COL4A4: variants seen among roughly 807,000 people sequenced by gnomAD.
The protein encoded by COL4A4 is collagen alpha-4(IV) chain.
Under a neutral mutation model 192.9 loss-of-function variants are expected in COL4A4, and 105 were observed. That is an observed-to-expected ratio of 0.54 (90% CI 0.46 to 0.64). The LOEUF is 0.64. Ranked by LOEUF, COL4A4 falls within the 30% of genes least tolerant of loss-of-function variation. COL4A4 has a pLI of 0.00. For missense variants in COL4A4, 1,967 were observed against 2,169.3 expected, an observed-to-expected ratio of 0.91 and a Z score of 1.85; for synonymous variants, 762 against 769.9, an observed-to-expected ratio of 0.99 and a Z score of 0.17.
chr2:227,142,974 T>A lies in COL4A4; in HGVS notation c.114+1542A>T, dbSNP rs567159097. 2.0e-5 allele frequency among the ~76,000 whole-genome samples: 3 copies of A among 151,820 alleles called. No individual in the cohort carries two copies. In the South Asian group the frequency reaches 6.2e-4, roughly 32 times the overall value. ...TTTCAAATAGGTGTTTGGGCATTAA[T>A]AAGCATATTCATACAATGACCTCAT... On this transcript the variant is annotated intron_variant, in intron 3 of 47. Coordinates refer to ENST00000396625, the MANE Select transcript of COL4A4 (RefSeq NM_000092.5).
At chr2:227,140,912 C>T (rs1479809259) in intron 3 of COL4A4, among the ~76,000 whole-genome samples, 1 of 151,674 alleles carries the variant, frequency 6.6e-6, no homozygotes, top group Non-Finnish European at 1.5e-5. Flanking sequence ...CACACACACA[C>T]ACACACACAC....
rs910557087 is a variant in COL4A4 at position 227,108,491 on chromosome 2, A to C, written c.735+90T>G. The C allele has an allele frequency of 3.9e-6, 5 of 1,269,806 alleles. No individual in the cohort carries two copies. In the African/African-American group the frequency reaches 7.3e-5, roughly 19 times the overall value. The allele number at this position is 1,269,806 out of a possible 1,614,324, so 78.7% of individuals were successfully genotyped here. On this transcript the variant is annotated intron_variant, in intron 12 of 47. Coordinates refer to ENST00000396625, the MANE Select transcript of COL4A4 (RefSeq NM_000092.5). Reference sequence around the variant, plus strand: ...AAAATTGGGCAGTGACTAGATAATGAGTACAAGTTCAAATAATCAGAACAG... The same window carrying C: ...AAAATTGGGCAGTGACTAGATAATGCGTACAAGTTCAAATAATCAGAACAG...
rs1975721050 is a variant in COL4A4 at position 227,057,453 on chromosome 2, TAC to T, written c.2529_2530del (p.Tyr844SerfsTer3). ...TTGACACTTACCTGGGCTACCTGGA[TAC>T]CCAGGGAGTCCCGGTTGCCCTGGTA... is the stretch of plus-strand genomic sequence containing the variant. On this transcript the variant is annotated frameshift_variant, in exon 29 of 48. Transcript: ENST00000396625. LOFTEE classifies it high-confidence loss of function. 5.6e-6 allele frequency: 9 copies of T among 1,607,546 alleles called. No homozygotes were observed. The highest frequency in any genetic ancestry group is 7.6e-6 in the Non-Finnish European group (9 of 1,176,894).
At chr2:227,161,645 T>G (rs1289270520) in intron 1 of COL4A4, among the ~76,000 whole-genome samples, 1 of 152,098 alleles carries the variant, frequency 6.6e-6, no homozygotes, top group Non-Finnish European at 1.5e-5. Context: ...TTCTCAGAGT[T>G]TTAAGTACCA....
intron 19 of COL4A4, among the ~76,000 whole-genome samples, chr2:227,097,991 G>A (rs1052532401): frequency 6.6e-6 from 1 of 152,134 alleles, no homozygotes; most frequent in Non-Finnish European, 1.5e-5. Context: ...AATCTTACTA[G>A]GAATATTAAC....
intron 3 of COL4A4, among the ~76,000 whole-genome samples, chr2:227,143,288 A>C (rs2063341932): frequency 6.6e-6 from 1 of 152,252 alleles, no homozygotes; most frequent in Non-Finnish European, 1.5e-5. Context: ...CCCTGAAATT[A>C]GTACTCTTGG....
chr2:227,025,316 T>C (rs1260362625), intron 43 of COL4A4, among the ~76,000 whole-genome samples: 1 of 152,220 alleles, frequency 6.6e-6, no homozygotes, highest in East Asian at 1.9e-4. Flanking sequence ...TAAGTGAACA[T>C]TTTCCTTTTA....
intron 19 of COL4A4, among the ~76,000 whole-genome samples, chr2:227,098,482 T>C (rs577692749): frequency 1.3e-5 from 2 of 152,350 alleles, no homozygotes; most frequent in South Asian, 2.1e-4. Flanking sequence ...TGGCTATATG[T>C]TACAGACACA....
the COL4A4 span, among the ~76,000 whole-genome samples, chr2:226,984,402 CAG>C: frequency 1.3e-5 from 2 of 152,208 alleles, no homozygotes; most frequent in Non-Finnish European, 2.9e-5. Context: ...CTCACATTGG[CAG>C]AGAGTGCAAG....
intron 41 of COL4A4, among the ~76,000 whole-genome samples, chr2:227,029,364 C>G (rs1967768062): frequency 6.6e-6 from 1 of 152,208 alleles, no homozygotes; most frequent in African/African-American, 2.4e-5. Context: ...TCATTGGAAG[C>G]CTACTTACCC....
Position 227,027,948 on chromosome 2 carries a change from C to G in COL4A4, c.4035G>C (p.Lys1345Asn), listed in dbSNP as rs1369617472. The G allele has an allele frequency of 6.2e-7, 1 of 1,613,954 alleles. No homozygotes were observed. The highest frequency in any genetic ancestry group is 8.5e-7 in the Non-Finnish European group (1 of 1,179,916). Residue 1345 changes from lysine (K) to asparagine (N), a missense_variant, in exon 42 of 48, where the codon AAG becomes AAC. By Grantham distance (94) the Lys-to-Asn change is moderately conservative. Transcript: ENST00000396625. ...TTCTCCCTGGAGGTCCAGGTAAACC[C>G]TTCTCTCCAGGTGGCCCAGGAAATC... ...PHGFPGPPGE[K>N]GLPGPPGRKG... is the part of the protein sequence containing the mutation.
At chr2:227,025,683 C>T (rs958717783) in intron 43 of COL4A4, 119 bp downstream of exon 43, 76 of 877,396 alleles carry the variant, frequency 8.7e-5, no homozygotes, top group Non-Finnish European at 1.4e-4. Context: ...ATCCTTACAG[C>T]ACCCCATCTA....
Position 227,094,116 on chromosome 2 carries a change from G to A in COL4A4, c.1369+9C>T, listed in dbSNP as rs2150685269. 6.2e-7 allele frequency: 1 copy of A among 1,612,822 alleles called. No homozygotes were observed. The highest frequency in any genetic ancestry group is 8.5e-7 in the Non-Finnish European group (1 of 1,179,056). On this transcript the variant is annotated intron_variant, in intron 20 of 47. Coordinates refer to ENST00000396625, the MANE Select transcript of COL4A4 (RefSeq NM_000092.5). Reference sequence around the variant, plus strand: ...AAATGCTAATGGATATGAATAAGGAGTACTTTACCACTTGATCCTGGGAGG... The same window carrying A: ...AAATGCTAATGGATATGAATAAGGAATACTTTACCACTTGATCCTGGGAGG...
rs774673142 is a variant in COL4A4 at position 227,089,923 on chromosome 2, T to C, written c.1404A>G (p.Gln468=). The C allele has an allele frequency of 2.5e-6, 4 of 1,613,706 alleles. No homozygotes were observed. Among genetic ancestry groups the C allele is most frequent in the South Asian group, 1.1e-5 (1 of 91,058 alleles). ...IYCSVGNPGP[Q]GIKGKVGPPG... ...GGGGACCAACTTTGCCTTTTATTCCTTGTGGTCCGGGGTTCCCAACACTAC... is the reference window on the plus strand; with the variant it reads ...GGGGACCAACTTTGCCTTTTATTCCCTGTGGTCCGGGGTTCCCAACACTAC... Residue 468 remains glutamine (Q), a synonymous_variant, in exon 21 of 48, where the codon CAA becomes CAG. Transcript: ENST00000396625.
chr2:227,088,722 C>T lies in COL4A4; in HGVS notation c.1554G>A (p.Gly518=), dbSNP rs1162277153. The T allele has an allele frequency of 6.2e-7, 1 of 1,614,106 alleles. No individual in the cohort carries two copies. Among genetic ancestry groups the T allele is most frequent in the Admixed American group, 1.7e-5 (1 of 60,018 alleles). The change falls in exon 22 of 48, where the codon GGG becomes GGA. Residue 518 remains glycine, a synonymous_variant. Transcript: ENST00000396625. ...CTTTTGTTCCAAGCCAGCCAGGGAG[C>T]CCCAAGTCTCCCTTACTCCCCTGCC... The part of the protein sequence containing the change: ...PGRQGSKGDL[G]LPGWLGTKGD...
rs2061940343 is a variant in COL4A4 at position 227,123,864 on chromosome 2, C to T, written c.193-2716G>A. Among the ~76,000 whole-genome samples, 1 of 152,164 alleles carries T rather than the reference C, an allele frequency of 6.6e-6. No individual in the cohort carries two copies. Among genetic ancestry groups the T allele is most frequent in the Non-Finnish European group, 1.5e-5 (1 of 68,030 alleles). Reference sequence around the variant, plus strand: ...CATGAGGGAGAAACAGAGTGAGCACCCAGGCTATGCGTCAGCCTCCTGGGT... The same window carrying T: ...CATGAGGGAGAAACAGAGTGAGCACTCAGGCTATGCGTCAGCCTCCTGGGT... On this transcript the variant is annotated intron_variant, in intron 4 of 47. Transcript: ENST00000396625. The surrounding 1 kb of genome is among the most constrained non-coding windows in gnomAD (Gnocchi z 4.6).
chr2:227,087,456 A>G (rs1277250442), intron 22 of COL4A4, among the ~76,000 whole-genome samples: 2 of 152,132 alleles, frequency 1.3e-5, no homozygotes. Flanking sequence ...ATCTCAGTAC[A>G]TGGCAACTGC....
chr2:227,082,567 A>G (rs2059380820), intron 22 of COL4A4, among the ~76,000 whole-genome samples: 1 of 152,218 alleles, frequency 6.6e-6, no homozygotes, highest in Admixed American at 6.5e-5. Flanking sequence ...CTTGTGAGTC[A>G]ACTACCTCAA....
intron 29 of COL4A4, 49 bp downstream of exon 29, chr2:227,057,390 A>T (rs1488914127): frequency 2.6e-6 from 4 of 1,556,338 alleles, no homozygotes; most frequent in Non-Finnish European, 3.5e-6. Flanking sequence ...GAGCTTATTT[A>T]ATTGTAAGTA....
Sources: gnomAD v4.1 joint callset for allele counts (sites outside exome capture counted in the v4.1 genomes callset) on GRCh38, gnomAD v4.1.1 for gene constraint, Gnocchi (gnomAD v3.1) non-coding constraint, MANE v1.5 for transcripts, NCBI Gene and HGNC (gene_info 2026-07-23, HGNC 2026-07-21) for gene names.